Variants in ERI3 observed in about 807,000 individuals in gnomAD.
ERI3 encodes ERI1 exoribonuclease 3.
A neutral mutation model predicts 44.4 loss-of-function variants in ERI3; 18 were observed. The ratio of observed to expected loss-of-function variants is 0.41; its 90% CI spans 0.28 to 0.60. The LOEUF (loss-of-function observed/expected upper bound fraction) is 0.60. Ranked by LOEUF, ERI3 falls within the 20% of genes least tolerant of loss-of-function variation. ERI3 has a pLI of 0.36. For missense variants in ERI3, 294 were observed against 435.5 expected (o/e 0.68, Z 2.89); for synonymous variants, 183 against 164.8 (o/e 1.11, Z -0.84).
chr1:44,349,562 C>T, intron 2 of ERI3, among the ~76,000 whole-genome samples: 1 of 152,216 alleles, frequency 6.6e-6, no homozygotes, highest in Non-Finnish European at 1.5e-5. Flanking sequence ...CTGGCTGCCA[C>T]CACAAGCAGC....
In ERI3 at chr1:44,235,763, T is replaced by C. The variant is rs2154316666; in HGVS notation, c.931+12176A>G. On this transcript the variant is annotated intron_variant, in intron 8 of 8. Transcript: ENST00000372257. This position sits in a 1 kb window ranked among gnomAD's most constrained non-coding sequence, Gnocchi z 4.6. ...CCAGGACTTCACTGTGCCAGGAGACTGGCTAGGACCTGAGCTCTCATCTGT... is the reference window on the plus strand; with the variant it reads ...CCAGGACTTCACTGTGCCAGGAGACCGGCTAGGACCTGAGCTCTCATCTGT... Among the ~76,000 whole-genome samples the C allele has an allele frequency of 6.6e-6, 1 of 152,278 alleles. No individual in the cohort carries two copies. The highest frequency in any genetic ancestry group is 1.9e-4 in the East Asian group (1 of 5,164).
intron 3 of ERI3, among the ~76,000 whole-genome samples, chr1:44,334,834 C>T (rs1646500630): frequency 6.6e-6 from 1 of 152,216 alleles, no homozygotes; most frequent in Admixed American, 6.5e-5. Context: ...AGGGCTTACA[C>T]CTGTTAGTTT....
intron 8 of ERI3, chr1:44,242,190 A>G (rs1644453160): frequency 1.0e-6 from 1 of 957,028 alleles, no homozygotes; most frequent in Non-Finnish European, 1.2e-6. Flanking sequence ...AGTAGTGTAC[A>G]GTAGTACTGT....
chr1:44,328,039 T>C lies in ERI3; in HGVS notation c.490-8295A>G, dbSNP rs929728743. On this transcript the variant is annotated intron_variant, in intron 3 of 8. Coordinates refer to ENST00000372257, the MANE Select transcript of ERI3 (RefSeq NM_024066.3). ...GGCCTTGCTCAATAATCCCCATCCATAGCCCCAGGGACTGCTGATCTCTTC... is the reference window on the plus strand; with the variant it reads ...GGCCTTGCTCAATAATCCCCATCCACAGCCCCAGGGACTGCTGATCTCTTC... 5.9e-5 allele frequency among the ~76,000 whole-genome samples: 9 copies of C among 152,114 alleles called. No individual in the cohort carries two copies. In the East Asian group the frequency reaches 1.2e-3, roughly 20 times the overall value.
chr1:44,343,171 T>C (rs897939486), intron 2 of ERI3, among the ~76,000 whole-genome samples: 6 of 151,810 alleles, frequency 4.0e-5, no homozygotes, highest in Non-Finnish European at 8.8e-5. Flanking sequence ...ACCAAAAGGA[T>C]ACAGAAGCCA....
At chr1:44,315,417 G>T (rs1012514975) in intron 4 of ERI3, among the ~76,000 whole-genome samples, 19 of 152,246 alleles carry the variant, frequency 1.2e-4, no homozygotes, top group African/African-American at 4.6e-4. Flanking sequence ...TGTGGGGCAA[G>T]AAAATCACTA....
At chr1:44,260,895 C>T (rs1644880225) in intron 7 of ERI3, among the ~76,000 whole-genome samples, 1 of 152,176 alleles carries the variant, frequency 6.6e-6, no homozygotes, top group South Asian at 2.1e-4. Context: ...TCCCACTCCT[C>T]CATGCCCCAC....
chr1:44,249,164 C>T (rs182926461), intron 7 of ERI3, among the ~76,000 whole-genome samples: 37 of 152,290 alleles, frequency 2.4e-4, no homozygotes, highest in African/African-American at 7.7e-4. Context: ...TTACCCATCC[C>T]CTCACTTTAG....
intron 3 of ERI3, among the ~76,000 whole-genome samples, chr1:44,326,698 G>A (rs1161506503): frequency 6.6e-6 from 1 of 152,178 alleles, no homozygotes; most frequent in African/African-American, 2.4e-5. Flanking sequence ...TGACAGATGA[G>A]AGCTGATGCT....
chr1:44,237,068 G>A (rs1037001008), intron 8 of ERI3, among the ~76,000 whole-genome samples: 1 of 152,168 alleles, frequency 6.6e-6, no homozygotes, highest in East Asian at 1.9e-4. Context: ...TCAGGGGAGC[G>A]CCTGGCCCGG....
At chr1:44,234,430 G>A (rs1345035692) in intron 8 of ERI3, among the ~76,000 whole-genome samples, 2 of 152,066 alleles carry the variant, frequency 1.3e-5, no homozygotes, top group Non-Finnish European at 2.9e-5. Flanking sequence ...TTGGGAGGCT[G>A]AGGTGGGCAA....
At chr1:44,286,749 T>C (rs564844880) in intron 6 of ERI3, among the ~76,000 whole-genome samples, 1 of 152,322 alleles carries the variant, frequency 6.6e-6, no homozygotes, top group South Asian at 2.1e-4. Context: ...CTTCTACCCA[T>C]GGGTCCAAAG....
chr1:44,348,591 A>G (rs908242615), intron 2 of ERI3, among the ~76,000 whole-genome samples: 1 of 152,258 alleles, frequency 6.6e-6, no homozygotes, highest in African/African-American at 2.4e-5. Flanking sequence ...CAAAGAGGAA[A>G]GCCTAAAAAC....
chr1:44,341,628 T>A (rs1646654707), intron 2 of ERI3, among the ~76,000 whole-genome samples: 1 of 152,224 alleles, frequency 6.6e-6, no homozygotes, highest in Admixed American at 6.5e-5. Context: ...TGACTGCACC[T>A]GTAATCCCAG....
At chr1:44,304,897 C>T (rs1645801525) in intron 6 of ERI3, among the ~76,000 whole-genome samples, 1 of 152,180 alleles carries the variant, frequency 6.6e-6, no homozygotes, top group Non-Finnish European at 1.5e-5. Flanking sequence ...CAAATGCCTG[C>T]ATTTATGTGT....
intron 4 of ERI3, among the ~76,000 whole-genome samples, chr1:44,316,796 G>C (rs1185514703): frequency 2.0e-5 from 3 of 151,870 alleles, no homozygotes; most frequent in Non-Finnish European, 4.4e-5. Flanking sequence ...ACAACAAAAA[G>C]AAGACATGGT....
At chr1:44,328,966 G>C (rs533927604) in intron 3 of ERI3, among the ~76,000 whole-genome samples, 51 of 152,322 alleles carry the variant, frequency 3.3e-4, no homozygotes, top group African/African-American at 1.2e-3. Context: ...ACTTCACAGA[G>C]TAGACTGGCA....
chr1:44,314,963 AAG>A (rs1395798379), intron 4 of ERI3, among the ~76,000 whole-genome samples: 3 of 152,198 alleles, frequency 2.0e-5, no homozygotes, highest in African/African-American at 7.2e-5. Flanking sequence ...GAAGGGGCCA[AAG>A]AGAGTCAGGA....
intron 7 of ERI3, among the ~76,000 whole-genome samples, chr1:44,256,125 G>A (rs552890510): frequency 7.9e-5 from 12 of 152,212 alleles, no homozygotes; most frequent in Admixed American, 1.3e-4. Flanking sequence ...AAGGAGAAGC[G>A]AGAGGAGAAG....
Sources: allele counts gnomAD v4.1 joint callset (sites outside exome capture counted in the v4.1 genomes callset), GRCh38; gene constraint gnomAD v4.1.1; non-coding constraint Gnocchi (gnomAD v3.1); transcripts MANE v1.5; gene names NCBI Gene and HGNC (gene_info 2026-07-23, HGNC 2026-07-21).